Variants in EDIL3 observed in about 807,000 individuals in gnomAD.
EDIL3 encodes EGF-like repeat and discoidin I-like domain-containing protein 3.
A neutral mutation model predicts 67.4 loss-of-function variants in EDIL3; 37 were observed. The ratio of observed to expected loss-of-function variants is 0.55; its 90% CI spans 0.42 to 0.72. EDIL3 has a LOEUF of 0.72. EDIL3 is among the 30% of genes least tolerant of loss of function. The probability of loss-of-function intolerance (pLI) is 0.00; values close to 1 mark genes in which losing one functional copy is unlikely to be tolerated. For synonymous variants in EDIL3, 195 were observed against 196.3 expected, an observed-to-expected ratio of 0.99 and a Z score of 0.05; for missense variants, 527 against 586.3, an observed-to-expected ratio of 0.90 and a Z score of 1.04.
At chr5:84,120,171 G>A (rs1245786570) in intron 5 of EDIL3, among the ~76,000 whole-genome samples, 1 of 152,004 alleles carries the variant, frequency 6.6e-6, no homozygotes, top group Non-Finnish European at 1.5e-5. Flanking sequence ...CTTTGCACAA[G>A]AGTTGTCAAA....
At chr5:84,102,182 C>T (rs890858772) in intron 6 of EDIL3, among the ~76,000 whole-genome samples, 1 of 151,746 alleles carries the variant, frequency 6.6e-6, no homozygotes, top group Non-Finnish European at 1.5e-5. Context: ...AATTATGAAT[C>T]ACCTATGATA....
intron 1 of EDIL3, among the ~76,000 whole-genome samples, chr5:84,271,660 T>C (rs186581045): frequency 1.3e-5 from 2 of 152,104 alleles, no homozygotes; most frequent in African/African-American, 2.4e-5. Context: ...AAACCCCTTA[T>C]CAAGTTTTTC....
intron 1 of EDIL3, among the ~76,000 whole-genome samples, chr5:84,341,444 C>T (rs2112177804): frequency 6.6e-6 from 1 of 152,168 alleles, no homozygotes. Flanking sequence ...AAACAGAGCT[C>T]AGCCCCATAG....
At chr5:84,047,236 C>T (rs7718982) in intron 9 of EDIL3, among the ~76,000 whole-genome samples, 28,589 of 151,820 alleles carry the variant, frequency 0.19, 3,006 homozygotes, top group Admixed American at 0.24. Context: ...TTACTTTGGG[C>T]CTTTTTCATG....
At chr5:84,294,742 T>C (rs932017015) in intron 1 of EDIL3, among the ~76,000 whole-genome samples, 3 of 152,190 alleles carry the variant, frequency 2.0e-5, no homozygotes, top group African/African-American at 7.2e-5. Context: ...TAATCTTTAT[T>C]AAGAACTTAC....
chr5:84,147,035 C>G (rs111806443), intron 4 of EDIL3, among the ~76,000 whole-genome samples: 4 of 152,184 alleles, frequency 2.6e-5, no homozygotes, highest in African/African-American at 9.6e-5. Context: ...TCCCCTACAC[C>G]CACATAAAGG....
At chr5:84,004,007 AAAG>A (rs1288979750) in intron 9 of EDIL3, among the ~76,000 whole-genome samples, 10 of 152,232 alleles carry the variant, frequency 6.6e-5, no homozygotes, top group South Asian at 4.2e-4. Context: ...GAAAAAAAAA[AAAG>A]AAGAGGGGTT....
intron 9 of EDIL3, among the ~76,000 whole-genome samples, chr5:84,001,205 C>A (rs995737214): frequency 1.3e-5 from 2 of 152,022 alleles, no homozygotes; most frequent in South Asian, 2.1e-4. Context: ...TGCCACCACA[C>A]CTGGCTAATT....
chr5:84,310,643 T>G (rs1046885210), intron 1 of EDIL3, among the ~76,000 whole-genome samples: 1 of 152,144 alleles, frequency 6.6e-6, no homozygotes, highest in Non-Finnish European at 1.5e-5. Context: ...CTTATACAAA[T>G]ATTTGCTGTG....
At chr5:84,132,366 A>C (rs856435) in intron 5 of EDIL3, among the ~76,000 whole-genome samples, 2 of 64,318 alleles carry the variant, frequency 3.1e-5, no homozygotes, top group East Asian at 9.6e-4. Context: ...AATATATATT[A>C]TATATATTAT....
chr5:84,000,403 C>T lies in EDIL3; in HGVS notation c.1138-37043G>A, dbSNP rs371277094. On this transcript the variant is annotated intron_variant, in intron 9 of 10. Coordinates refer to ENST00000296591, the MANE Select transcript of EDIL3 (RefSeq NM_005711.5). ...ATCGAAACAACAAAAAGTGAAAAAG[C>T]GGGGGATAAAGTTAAAATGTAGAGT... Among the ~76,000 whole-genome samples the T allele has an allele frequency of 2.0e-4, 31 of 151,916 alleles. No homozygotes were observed. In the East Asian group the frequency reaches 4.3e-3, roughly 21 times the overall value.
chr5:84,218,295 T>A (rs1278470431), intron 3 of EDIL3, among the ~76,000 whole-genome samples: 1 of 152,226 alleles, frequency 6.6e-6, no homozygotes, highest in Non-Finnish European at 1.5e-5. Context: ...CTTAGGAATG[T>A]TCTAGGCAAC....
chr5:84,201,733 G>T lies in EDIL3; in HGVS notation c.227-21212C>A, dbSNP rs551429053. 2.0e-5 allele frequency among the ~76,000 whole-genome samples: 3 copies of T among 152,244 alleles called. No homozygotes were observed. The South Asian group carries it at 6.2e-4, about 32-fold the overall frequency. On this transcript the variant is annotated intron_variant, in intron 3 of 10. Coordinates refer to ENST00000296591, the MANE Select transcript of EDIL3 (RefSeq NM_005711.5). ...CTTGAAAGGTTCCAAATTCCCAGAA[G>T]TTAAAGAATGGTTAAGCCATCTACA... is the stretch of plus-strand genomic sequence containing the variant.
At chr5:84,293,943 G>A (rs1322244868) in intron 1 of EDIL3, among the ~76,000 whole-genome samples, 1 of 151,646 alleles carries the variant, frequency 6.6e-6, no homozygotes, top group Non-Finnish European at 1.5e-5. Context: ...AGGTTTGTTG[G>A]AAACAGAACA....
chr5:84,050,374 C>T (rs1346245983), intron 9 of EDIL3, among the ~76,000 whole-genome samples: 1 of 152,170 alleles, frequency 6.6e-6, no homozygotes, highest in African/African-American at 2.4e-5. Flanking sequence ...CAGTCTACAG[C>T]TCCCAGTGTG....
chr5:84,282,846 G>A (rs909895198), intron 1 of EDIL3, among the ~76,000 whole-genome samples: 1 of 151,912 alleles, frequency 6.6e-6, no homozygotes, highest in Non-Finnish European at 1.5e-5. Flanking sequence ...TTTACTTTGA[G>A]GAAGGTGAAA....
At chr5:84,176,753 A>ATG (rs1398258669) in intron 4 of EDIL3, among the ~76,000 whole-genome samples, 1 of 99,988 alleles carries the variant, frequency 1.0e-5, no homozygotes, top group Admixed American at 1.1e-4. Flanking sequence ...ATGTGTGTAT[A>ATG]TATGTGTGTG....
chr5:84,201,286 G>A (rs4587063), intron 3 of EDIL3, among the ~76,000 whole-genome samples: 1,580 of 152,152 alleles, frequency 0.01, 33 homozygotes, highest in African/African-American at 0.036. Flanking sequence ...ATGCTAGGAT[G>A]AGAATCCTTA....
intron 3 of EDIL3, among the ~76,000 whole-genome samples, chr5:84,216,787 G>A (rs1376375933): frequency 6.6e-6 from 1 of 152,196 alleles, no homozygotes; most frequent in African/African-American, 2.4e-5. Context: ...TAGCAGCTTA[G>A]ATTTCCTGTG....
Sources: allele counts gnomAD v4.1 joint callset (sites outside exome capture counted in the v4.1 genomes callset), GRCh38; gene constraint gnomAD v4.1.1; transcripts MANE v1.5; gene names NCBI Gene and HGNC (gene_info 2026-07-23, HGNC 2026-07-21).